SPP2: variants seen among roughly 807,000 people sequenced by gnomAD.
SPP2 encodes the protein secreted phosphoprotein 2, also known as secreted phosphoprotein 24.
Under a neutral mutation model 28.8 loss-of-function variants are expected in SPP2, and 34 were observed. The observed-to-expected ratio is 1.18, with a 90% CI of 0.90 to 1.57. The LOEUF is 1.57. Ranked by LOEUF, SPP2 falls within the 40% of genes most tolerant of loss-of-function variation. The probability of loss-of-function intolerance (pLI) is 0.00; values close to 1 mark genes in which losing one functional copy is unlikely to be tolerated. For missense variants in SPP2, 269 were observed against 263.9 expected (o/e 1.02, Z -0.13); for synonymous variants, 96 against 89.4 (o/e 1.07, Z -0.42).
intron 2 of SPP2, among the ~76,000 whole-genome samples, chr2:234,053,634 C>A (rs1405954482): frequency 6.6e-6 from 1 of 151,548 alleles, no homozygotes; most frequent in East Asian, 2.0e-4. Flanking sequence ...AGACCTAGAT[C>A]AAATATTCTT....
intron 2 of SPP2, among the ~76,000 whole-genome samples, chr2:234,056,623 A>G (rs1403191331): frequency 1.3e-5 from 2 of 152,160 alleles, no homozygotes; most frequent in African/African-American, 4.8e-5. Context: ...TGCTTCCATC[A>G]AATTGCTTTT....
intron 3 of SPP2, 51 bp from the exon 4 acceptor site, chr2:234,060,318 T>C (rs370040965): frequency 7.9e-7 from 1 of 1,265,606 alleles, no homozygotes; most frequent in Non-Finnish European, 1.2e-6. Flanking sequence ...ATGGAGGCTA[T>C]CCCTTTCCAC....
At chr2:234,066,713 GA>G (rs2125465507) in intron 5 of SPP2, 126 bp downstream of exon 5, 1 of 730,702 alleles carries the variant, frequency 1.4e-6, no homozygotes, top group South Asian at 1.8e-5. Flanking sequence ...TACAGCCATA[GA>G]AAATTAACAT....
chr2:234,070,917 A>G (rs188534840), intron 7 of SPP2, among the ~76,000 whole-genome samples: 6 of 152,120 alleles, frequency 3.9e-5, no homozygotes, highest in Non-Finnish European at 7.4e-5. Context: ...ACCACACTCT[A>G]TGTCTGGATC....
At chr2:234,067,509 G>T (rs1693846315) in intron 6 of SPP2, among the ~76,000 whole-genome samples, 1 of 152,160 alleles carries the variant, frequency 6.6e-6, no homozygotes, top group Admixed American at 6.5e-5. Context: ...CGGGCGCGGT[G>T]GCTCACGCCT....
At chr2:234,061,647 T>C (rs1264586125) in intron 4 of SPP2, among the ~76,000 whole-genome samples, 1 of 152,234 alleles carries the variant, frequency 6.6e-6, no homozygotes, top group African/African-American at 2.4e-5. Flanking sequence ...TCCCATATAA[T>C]TAATATACTC....
intron 2 of SPP2, among the ~76,000 whole-genome samples, chr2:234,054,511 T>G (rs980999394): frequency 5.3e-5 from 8 of 152,108 alleles, no homozygotes; most frequent in African/African-American, 1.7e-4. Context: ...GCCAGCATGG[T>G]CTGGTTCTGG....
intron 6 of SPP2, among the ~76,000 whole-genome samples, chr2:234,067,650 G>A (rs895125027): frequency 2.6e-5 from 4 of 151,854 alleles, no homozygotes; most frequent in South Asian, 4.2e-4. Flanking sequence ...AGTGGTGGGC[G>A]CCTGTAGTCC....
chr2:234,076,242 C>A (rs1218887747), intron 7 of SPP2, among the ~76,000 whole-genome samples: 2 of 152,122 alleles, frequency 1.3e-5, no homozygotes, highest in African/African-American at 4.8e-5. Flanking sequence ...TCCCGAGTCA[C>A]ATGGGAGAAC....
intron 7 of SPP2, among the ~76,000 whole-genome samples, chr2:234,075,401 C>T: frequency 6.6e-6 from 1 of 152,164 alleles, no homozygotes; most frequent in East Asian, 1.9e-4. Context: ...GGCAGTCTCT[C>T]CTCCTGCACC....
chr2:234,072,416 TC>T lies in SPP2; in HGVS notation c.*10+2394del, dbSNP rs200646041. Among the ~76,000 whole-genome samples the T allele has an allele frequency of 1.7e-3, 255 of 152,252 alleles. 2 individuals are homozygous for T. Among genetic ancestry groups the T allele is most frequent in the Admixed American group, 6.4e-3 (98 of 15,298 alleles). ...ATCTTTTTTTTTTCTTTACAGAACA[TC>T]ATGGGTTATGGGCAGGGAGAATAGA... On this transcript the variant is annotated intron_variant, in intron 7 of 7. Transcript: ENST00000168148.
intron 6 of SPP2, among the ~76,000 whole-genome samples, chr2:234,069,336 G>T (rs1693889010): frequency 6.6e-6 from 1 of 152,182 alleles, no homozygotes; most frequent in Non-Finnish European, 1.5e-5. Context: ...CTGCCCCAAT[G>T]TGGGAAGGGA....
intron 3 of SPP2, among the ~76,000 whole-genome samples, chr2:234,059,442 C>A (rs1693674124): frequency 6.6e-6 from 1 of 152,284 alleles, no homozygotes; most frequent in South Asian, 2.1e-4. Context: ...ATGTACAGCA[C>A]TGTTCCGTGG....
intron 7 of SPP2, among the ~76,000 whole-genome samples, chr2:234,074,056 T>C (rs77618284): frequency 1.1e-4 from 16 of 152,214 alleles, no homozygotes; most frequent in East Asian, 1.9e-4. Context: ...CTCTGTTTCA[T>C]TGAGGAGGAA....
Position 234,051,108 on chromosome 2 carries a change from T to C in SPP2, c.210+13T>C, listed in dbSNP as rs1367454281. 6.8e-6 allele frequency: 11 copies of C among 1,611,954 alleles called. No individual in the cohort carries two copies. Among genetic ancestry groups the C allele is most frequent in the Non-Finnish European group, 9.3e-6 (11 of 1,178,254 alleles). On this transcript the variant is annotated intron_variant, in intron 2 of 7. Transcript: ENST00000168148. ...CTCATTAAAAAGAGTAAGTGCAAAA[T>C]GAAATCTTCTCTACTCCTCCTTCCA...
chr2:234,057,619 C>A (rs1693634871), intron 2 of SPP2, among the ~76,000 whole-genome samples: 1 of 152,258 alleles, frequency 6.6e-6, no homozygotes, highest in African/African-American at 2.4e-5. Context: ...CACTGGGCAT[C>A]TTCCCTGCTC....
intron 3 of SPP2, 97 bp downstream of exon 3, chr2:234,059,055 C>A: frequency 6.9e-7 from 1 of 1,449,304 alleles, no homozygotes. Context: ...CGCTGCCTGG[C>A]TAGCATCTGG....
intron 6 of SPP2, among the ~76,000 whole-genome samples, chr2:234,068,913 G>C (rs986857483): frequency 1.3e-5 from 2 of 152,114 alleles, no homozygotes; most frequent in Non-Finnish European, 2.9e-5. Context: ...CAGTTTCTGA[G>C]GGTCAAAGAC....
chr2:234,053,578 C>T lies in SPP2; in HGVS notation c.210+2483C>T, dbSNP rs368553991. On this transcript the variant is annotated intron_variant, in intron 2 of 7. Coordinates refer to ENST00000168148, the MANE Select transcript of SPP2 (RefSeq NM_006944.3). Reference sequence around the variant, plus strand: ...TCATATTCTTAAATGTTCTCCTGCTCATTCTAATGTGCGGTCTCGGTGAAG... The same window carrying T: ...TCATATTCTTAAATGTTCTCCTGCTTATTCTAATGTGCGGTCTCGGTGAAG... Among the ~76,000 whole-genome samples, 10 of 151,866 alleles carry T rather than the reference C, an allele frequency of 6.6e-5. No homozygotes were observed. In the South Asian group the frequency reaches 8.4e-4, roughly 13 times the overall value.
Sources: gnomAD v4.1 joint callset for allele counts (sites outside exome capture counted in the v4.1 genomes callset) on GRCh38, gnomAD v4.1.1 for gene constraint, MANE v1.5 for transcripts, NCBI Gene and HGNC (gene_info 2026-07-23, HGNC 2026-07-21) for gene names.